ALDH1L1: variants seen among roughly 807,000 people sequenced by gnomAD.
ALDH1L1 encodes the protein aldehyde dehydrogenase 1 family member L1, also known as cytosolic 10-formyltetrahydrofolate dehydrogenase.
ALDH1L1 carries 68 observed loss-of-function variants against 101.1 expected under a neutral mutation model. The ratio of observed to expected loss-of-function variants is 0.67; its 90% CI spans 0.55 to 0.82. The LOEUF (loss-of-function observed/expected upper bound fraction) is 0.82. Ranked by LOEUF, ALDH1L1 falls within the 40% of genes least tolerant of loss-of-function variation. ALDH1L1 has a pLI of 0.00. For synonymous variants in ALDH1L1, 486 were observed against 470.8 expected, an observed-to-expected ratio of 1.03 and a Z score of -0.42; for missense variants, 1,087 against 1,172.7, an observed-to-expected ratio of 0.93 and a Z score of 1.07.
chr3:126,161,392 A>G (rs2081047098), intron 1 of ALDH1L1, among the ~76,000 whole-genome samples: 1 of 152,256 alleles, frequency 6.6e-6, no homozygotes, highest in Non-Finnish European at 1.5e-5. Context: ...TTCATGAGAA[A>G]GATGCCACAT....
intron 1 of ALDH1L1, among the ~76,000 whole-genome samples, chr3:126,164,981 C>T (rs2081136924): frequency 1.3e-5 from 2 of 152,100 alleles, no homozygotes; most frequent in Admixed American, 6.5e-5. Context: ...TGATGAGGAA[C>T]ATATTAAAAT....
At chr3:126,188,472 C>T (rs1004445506) in intron 1 of ALDH1L1, among the ~76,000 whole-genome samples, 3 of 152,206 alleles carry the variant, frequency 2.0e-5, no homozygotes, top group Non-Finnish European at 4.4e-5. Flanking sequence ...GCAGGAATTA[C>T]TCCATATTGG....
chr3:126,156,082 A>G (rs949799666), intron 4 of ALDH1L1: 5 of 152,494 alleles, frequency 3.3e-5, no homozygotes, highest in South Asian at 2.1e-4. Flanking sequence ...GGGCTGCCCA[A>G]TGGAGCCCTC....
intron 16 of ALDH1L1, among the ~76,000 whole-genome samples, chr3:126,120,294 T>C (rs2080053297): frequency 6.6e-6 from 1 of 152,216 alleles, no homozygotes; most frequent in South Asian, 2.1e-4. Flanking sequence ...TATTCAGTGC[T>C]AACAAGAAAT....
intron 19 of ALDH1L1, among the ~76,000 whole-genome samples, chr3:126,111,264 T>C (rs992653334): frequency 2.0e-5 from 3 of 152,240 alleles, no homozygotes; most frequent in East Asian, 3.8e-4. Flanking sequence ...GCACAATGCA[T>C]GGAAGCAATG....
In ALDH1L1 at chr3:126,133,390, A is replaced by G. The variant is rs1169164443; in HGVS notation, c.1473-1856T>C. Among the ~76,000 whole-genome samples, 4 of 152,020 alleles carry G rather than the reference A, an allele frequency of 2.6e-5. No individual in the cohort carries two copies. In the East Asian group the frequency reaches 7.7e-4, roughly 29 times the overall value. ...ACAGTCTCACTGCTCGTCTCCTGCA[A>G]CCCTACCCAACCTGCAGCCCACTAA... is the stretch of plus-strand genomic sequence containing the variant. On this transcript the variant is annotated intron_variant, in intron 12 of 22. Coordinates refer to ENST00000393434, the MANE Select transcript of ALDH1L1 (RefSeq NM_012190.4).
At chr3:126,159,222 GCACACACACA>G (rs143177704) in intron 2 of ALDH1L1, among the ~76,000 whole-genome samples, 12 of 147,818 alleles carry the variant, frequency 8.1e-5, no homozygotes, top group African/African-American at 2.5e-4. Flanking sequence ...ACACATGCGT[GCACACACACA>G]CACACACACA....
chr3:126,108,629 C>T (rs1576407736), intron 20 of ALDH1L1, among the ~76,000 whole-genome samples: 2 of 152,344 alleles, frequency 1.3e-5, no homozygotes, highest in East Asian at 1.9e-4. Flanking sequence ...TTGAGGTGTG[C>T]GGTGCCCGAT....
At chr3:126,135,750 C>T (rs544743857) in intron 11 of ALDH1L1, 88 bp from the exon 12 acceptor site, 51 of 1,421,628 alleles carry the variant, frequency 3.6e-5, no homozygotes, top group African/African-American at 4.4e-5. Flanking sequence ...CCTCCTGGGG[C>T]CCCAGTGAGG....
At chr3:126,116,038 AT>A (rs35701473) in intron 17 of ALDH1L1, among the ~76,000 whole-genome samples, 21,516 of 136,860 alleles carry the variant, frequency 0.16, 1,831 homozygotes, top group African/African-American at 0.26. Context: ...ACACCTGGCT[AT>A]TTTTTTTTTT....
chr3:126,174,053 G>C (rs2081330441), intron 1 of ALDH1L1, among the ~76,000 whole-genome samples: 1 of 151,742 alleles, frequency 6.6e-6, no homozygotes, highest in Admixed American at 6.6e-5. Flanking sequence ...CGTTTTTTTT[G>C]GGGGGGCGGA....
chr3:126,107,183 T>G lies in ALDH1L1; in HGVS notation c.2411A>C (p.Glu804Ala). 6.2e-7 allele frequency: 1 copy of G among 1,614,098 alleles called. No individual in the cohort carries two copies. The highest frequency in any genetic ancestry group is 8.5e-7 in the Non-Finnish European group (1 of 1,180,000). The change falls in exon 21 of 23, where the codon GAG becomes GCG. Residue 804 changes from glutamate to alanine, a missense_variant. Physicochemically the swap from Glu to Ala is moderately radical, Grantham distance 107 (BLOSUM62 -1). Transcript: ENST00000393434. ...GATGATCATGACAGGCCCGAAGGAC[T>G]CCTCCTTGGCTATGAACATGTGGTC... ...VEDHMFIAKE[E>A]SFGPVMIISR...
rs1452448795 is a variant in ALDH1L1, at chr3:126,166,330, CATT to C, written c.-23-5331_-23-5329del. On this transcript the variant is annotated intron_variant, in intron 1 of 22. Coordinates refer to ENST00000393434, the MANE Select transcript of ALDH1L1 (RefSeq NM_012190.4). ...GGGATCTTTCTCTAAAAATCCCTCTCATTATCACAGGGAATTCCTGCATATAAC... is the reference window on the plus strand; with the variant it reads ...GGGATCTTTCTCTAAAAATCCCTCTCATCACAGGGAATTCCTGCATATAAC... 2.0e-5 allele frequency among the ~76,000 whole-genome samples: 3 copies of C among 152,178 alleles called. No homozygotes were observed. The East Asian group carries it at 5.8e-4, about 29-fold the overall frequency.
intron 1 of ALDH1L1, among the ~76,000 whole-genome samples, chr3:126,176,690 C>T (rs770726547): frequency 7.2e-5 from 11 of 152,068 alleles, no homozygotes; most frequent in Non-Finnish European, 1.5e-4. Context: ...ACAACAACAG[C>T]ACAATTCATG....
Position 126,107,135 on chromosome 3 carries a change from C to T in ALDH1L1, c.2453+6G>A, listed in dbSNP as rs181000306. On this transcript the variant is annotated splice_donor_region_variant and intron_variant, in intron 21 of 22. Coordinates refer to ENST00000393434, the MANE Select transcript of ALDH1L1 (RefSeq NM_012190.4). ...GGGCCCTTGAGACATCAGCAGGATT[C>T]CCTACCCATCAGCAAACCGAGAGAT... The T allele has an allele frequency of 7.4e-3, 11,890 of 1,613,134 alleles. 92 individuals are homozygous for T. Among genetic ancestry groups the T allele is most frequent in the Non-Finnish European group, 7.7e-3 (9,113 of 1,179,130 alleles).
At chr3:126,113,464 C>T (rs990234244) in intron 18 of ALDH1L1, among the ~76,000 whole-genome samples, 2 of 152,174 alleles carry the variant, frequency 1.3e-5, no homozygotes, top group Admixed American at 1.3e-4. Context: ...CTTTTTCAAA[C>T]TCGCCTGCTG....
chr3:126,106,402 G>T (rs920418360), intron 21 of ALDH1L1, among the ~76,000 whole-genome samples: 2 of 152,204 alleles, frequency 1.3e-5, no homozygotes, highest in Admixed American at 6.5e-5. Context: ...GACGAGGCAC[G>T]ATTTTGCAAT....
At chr3:126,155,037 A>G (rs1471848284) in intron 5 of ALDH1L1, among the ~76,000 whole-genome samples, 1 of 152,120 alleles carries the variant, frequency 6.6e-6, no homozygotes, top group Non-Finnish European at 1.5e-5. Context: ...AGGCTCCTCC[A>G]CTGGCTATTG....
upstream of ALDH1L1, chr3:126,181,218 A>AGGCCATGTAGAAT: frequency 1.7e-6 from 1 of 599,056 alleles, no homozygotes; most frequent in Non-Finnish European, 3.0e-6. Flanking sequence ...GATCCTGGCC[A>AGGCCATGTAGAAT]GCCCGGTCTC....
Sources: gnomAD v4.1 joint callset for allele counts (sites outside exome capture counted in the v4.1 genomes callset) on GRCh38, gnomAD v4.1.1 for gene constraint, MANE v1.5 for transcripts, NCBI Gene and HGNC (gene_info 2026-07-23, HGNC 2026-07-21) for gene names.